Variants in NOTCH3 observed in about 807,000 individuals in gnomAD.
The protein encoded by NOTCH3 is notch receptor 3.
In NOTCH3, 86 loss-of-function variants were observed where a neutral mutation model predicts 213.3. The observed-to-expected ratio is 0.40, with a 90% CI of 0.34 to 0.48. NOTCH3 has a LOEUF of 0.48. Among genes scored for constraint, NOTCH3 ranks in the 20% least tolerant of loss-of-function variants. The pLI is 0.57. For synonymous variants in NOTCH3, 1,354 were observed against 1,355.9 expected, an observed-to-expected ratio of 1.00 and a Z score of 0.03; for missense variants, 2,783 against 3,272.6, an observed-to-expected ratio of 0.85 and a Z score of 3.65.
At position 15,189,260 on chromosome 19, in the gene NOTCH3, GA is replaced by G. The variant is rs2046909273; in HGVS notation, c.1192+12del. On this transcript the variant is annotated intron_variant, in intron 7 of 32. Coordinates refer to ENST00000263388, the MANE Select transcript of NOTCH3 (RefSeq NM_000435.3). ...TTTCCCAGCCCATTCACAGACGATGGAGCTCCCCTCACCGATAGAGCACTCG... is the reference window on the plus strand; with the variant it reads ...TTTCCCAGCCCATTCACAGACGATGGGCTCCCCTCACCGATAGAGCACTCG... 3 of 1,613,974 alleles carry G rather than the reference GA, an allele frequency of 1.9e-6. No individual in the cohort carries two copies. The highest frequency in any genetic ancestry group is 2.5e-6 in the Non-Finnish European group (3 of 1,180,026).
rs759792630 is a variant in NOTCH3 at position 15,187,145 on chromosome 19, C to T, written c.1800G>A (p.Leu600=). 1.2e-6 allele frequency: 2 copies of T among 1,614,038 alleles called. No homozygotes were observed. The highest frequency in any genetic ancestry group is 1.7e-6 in the Non-Finnish European group (2 of 1,180,034). The change falls in exon 11 of 33, where the codon CTG becomes CTA. Residue 600 remains leucine (L), a synonymous_variant. Transcript: ENST00000263388. ...GGCAGCGGCAGAGGTACTTGTCCAC[C>T]AGGTCTAGGCATTTGCCGCCATGGC... The part of the protein sequence containing the change: ...PCRHGGKCLD[L]VDKYLCRCPS...
chr19:15,197,448 C>CCCCCCCCCCCCCCCCCA, intron 2 of NOTCH3, 52 bp downstream of exon 2: 2 of 797,784 alleles, frequency 2.5e-6, no homozygotes, highest in Non-Finnish European at 4.4e-6. Context: ...ATCGCCCCTC[C>CCCCCCCCCCCCCCCCCA]CCCCCGCCCC....
rs2145381869 is a variant in NOTCH3, at chr19:15,161,279, A to G, written c.6349T>C (p.Ser2117Pro). Residue 2117 changes from serine (S) to proline (P), a missense_variant, in exon 33 of 33, where the codon TCC becomes CCC. Around this residue, in one of 6 missense-constraint regions of NOTCH3, gnomAD observed 441 missense variants for 432.1 expected, o/e 1.02. Coordinates refer to ENST00000263388, the MANE Select transcript of NOTCH3 (RefSeq NM_000435.3). Reference protein sequence around the residue: ...SPRPFGGPPASPGGFPLEGPY... With the variant: ...SPRPFGGPPAPPGGFPLEGPY... ...CCCTCAAGGGGGAAGCCACCAGGGGAAGCAGGGGGCCCACCGAAAGGCCGC... is the reference window on the plus strand; with the variant it reads ...CCCTCAAGGGGGAAGCCACCAGGGGGAGCAGGGGGCCCACCGAAAGGCCGC... 1 of 1,539,644 alleles carries G rather than the reference A, an allele frequency of 6.5e-7. No homozygotes were observed. The highest frequency in any genetic ancestry group is 1.4e-5 in the African/African-American group (1 of 73,836).
At chr19:15,192,603 C>G in intron 2 of NOTCH3, 84 bp from the exon 3 acceptor site, 2 of 1,511,082 alleles carry the variant, frequency 1.3e-6, no homozygotes, top group Non-Finnish European at 1.8e-6. Context: ...GCAAGAAACA[C>G]GCAGGGAAAC....
intron 17 of NOTCH3, 37 bp from the exon 18 acceptor site, chr19:15,181,199 GC>G: frequency 6.4e-7 from 1 of 1,561,352 alleles, no homozygotes; most frequent in Non-Finnish European, 8.8e-7. Context: ...ATCAGGCTCC[GC>G]CCCCTCACAG....
Position 15,180,912 on chromosome 19 carries a change from T to C in NOTCH3, c.2994+49A>G, listed in dbSNP as rs202065504. On this transcript the variant is annotated intron_variant, in intron 18 of 32. Transcript: ENST00000263388. ...GTGCCCCGACTTGGCTTCTCCCTCC[T>C]AGGATCCCAGGCAGGCTCCTCCCCC... 5.7e-5 allele frequency: 90 copies of C among 1,586,968 alleles called. No individual in the cohort carries two copies. The Admixed American group carries it at 1.6e-3, about 28-fold the overall frequency.
In NOTCH3 at chr19:15,161,429, G is replaced by A; in HGVS notation, c.6199C>T (p.Pro2067Ser). 6.5e-7 allele frequency: 1 copy of A among 1,536,156 alleles called. No individual in the cohort carries two copies. Among genetic ancestry groups the A allele is most frequent in the Non-Finnish European group, 8.8e-7 (1 of 1,139,136 alleles). Residue 2067 changes from proline (P) to serine (S), a missense_variant, in exon 33 of 33, where the codon CCC becomes TCC. By Grantham distance (74) the Pro-to-Ser change is moderately conservative. This residue lies in a region of NOTCH3 where 441 missense variants were observed against 432.1 expected (regional missense o/e 1.02). Coordinates refer to ENST00000263388, the MANE Select transcript of NOTCH3 (RefSeq NM_000435.3). ...QSGSKKSRRP[P>S]GKAGLGPQGP... ...TGCGGCCCCAGCCCCGCCTTCCCGG[G>A]GGGCCTCCTGCTCTTCTTGGACCCC...
chr19:15,195,152 C>G (rs2046959674), intron 2 of NOTCH3, among the ~76,000 whole-genome samples: 1 of 152,072 alleles, frequency 6.6e-6, no homozygotes, highest in Non-Finnish European at 1.5e-5. Flanking sequence ...CTCTCACTCA[C>G]AGGGACAGAC....
At chr19:15,188,439 G>T in intron 8 of NOTCH3, 91 bp from the exon 9 acceptor site, 3 of 831,298 alleles carry the variant, frequency 3.6e-6, no homozygotes, top group Non-Finnish European at 6.1e-6. Context: ...CCTACTCATC[G>T]ACAAATCCCC....
In NOTCH3 at chr19:15,167,385, C is replaced by T; in HGVS notation, c.5226G>A (p.Glu1742=). 2 of 1,608,782 alleles carry T rather than the reference C, an allele frequency of 1.2e-6. No individual in the cohort carries two copies. Among genetic ancestry groups the T allele is most frequent in the East Asian group, 2.2e-5 (1 of 44,878 alleles). The change falls in exon 29 of 33, where the codon GAG becomes GAA. Residue 1742 remains glutamate, a synonymous_variant. Coordinates refer to ENST00000263388, the MANE Select transcript of NOTCH3 (RefSeq NM_000435.3). ...TCCACTGACGGCAATCCACAGCCTCCTCAGCCCCCATGCCTGGCTCCTCTA... is the reference window on the plus strand; with the variant it reads ...TCCACTGACGGCAATCCACAGCCTCTTCAGCCCCCATGCCTGGCTCCTCTA... ...LKVEEPGMGA[E]EAVDCRQWTQ...
At chr19:15,200,342 C>G (rs1034264059) in intron 1 of NOTCH3, among the ~76,000 whole-genome samples, 1 of 151,648 alleles carries the variant, frequency 6.6e-6, no homozygotes, top group African/African-American at 2.4e-5. Context: ...CTCCCCACCC[C>G]CCGCCTGGCC....
At chr19:15,168,662 C>T (rs1304469358) in intron 28 of NOTCH3, among the ~76,000 whole-genome samples, 1 of 151,920 alleles carries the variant, frequency 6.6e-6, no homozygotes, top group Non-Finnish European at 1.5e-5. Flanking sequence ...GGTGAAACCC[C>T]ATCTCTACTA....
At chr19:15,171,638 C>T (rs1036856460) in intron 25 of NOTCH3, among the ~76,000 whole-genome samples, 5 of 152,210 alleles carry the variant, frequency 3.3e-5, no homozygotes, top group Non-Finnish European at 5.9e-5. Context: ...GCTGGGTTTA[C>T]AGGCCTGGGC....
In NOTCH3 at chr19:15,191,800, C is replaced by T. The variant is rs2046929046; in HGVS notation, c.747G>A (p.Gly249=). 6.2e-7 allele frequency: 1 copy of T among 1,613,954 alleles called. No homozygotes were observed. Among genetic ancestry groups the T allele is most frequent in the Non-Finnish European group, 8.5e-7 (1 of 1,180,038 alleles). The change falls in exon 5 of 33, where the codon GGG becomes GGA. Residue 249 remains glycine, a synonymous_variant. Coordinates refer to ENST00000263388, the MANE Select transcript of NOTCH3 (RefSeq NM_000435.3). ...DCPGHRCLNG[G]TCVDGVNTYN... is the part of the protein sequence containing the mutation. The stretch of plus-strand genomic sequence containing the variant: ...AGGTGTTGACGCCATCCACGCATGT[C>T]CCCCCATTGAGACATCGGTGTCCTG...
At position 15,179,271 on chromosome 19, in the gene NOTCH3, C is replaced by T. The variant is rs769083544; in HGVS notation, c.3472G>A (p.Glu1158Lys). The T allele has an allele frequency of 5.6e-6, 9 of 1,613,820 alleles. No homozygotes were observed. In the African/African-American group the frequency reaches 6.7e-5, roughly 12 times the overall value. ...GGGCCGCAGTCATCCTCATTAATCT[C>T]GCAGAGCACCCCTGGGGGAAGAAAC... The part of the protein sequence containing the change: ...CPPGTLGVLC[E>K]INEDDCGPGP... The change falls in exon 22 of 33, where the codon GAG becomes AAG. Residue 1158 changes from glutamate to lysine, a missense_variant. Glu to Lys is a moderately conservative substitution (Grantham distance 56). Around this residue, in one of 6 missense-constraint regions of NOTCH3, gnomAD observed 861 missense variants for 909.1 expected, o/e 0.95. Coordinates refer to ENST00000263388, the MANE Select transcript of NOTCH3 (RefSeq NM_000435.3).
chr19:15,196,232 G>A (rs1451420190), intron 2 of NOTCH3, among the ~76,000 whole-genome samples: 3 of 152,128 alleles, frequency 2.0e-5, no homozygotes, highest in African/African-American at 7.2e-5. Context: ...GCAGCCGCGG[G>A]CTCATTCACC....
chr19:15,174,940 C>T (rs1396839149), intron 24 of NOTCH3, among the ~76,000 whole-genome samples: 1 of 152,052 alleles, frequency 6.6e-6, no homozygotes, highest in East Asian at 1.9e-4. Flanking sequence ...CGCCGGAGTG[C>T]AGTGGTGCAA....
intron 2 of NOTCH3, among the ~76,000 whole-genome samples, chr19:15,193,787 C>CA (rs1171974208): frequency 3.2e-5 from 2 of 62,320 alleles, no homozygotes; most frequent in Admixed American, 1.8e-4. Context: ...AAACAAAAAA[C>CA]AAAAAAAACA....
chr19:15,176,435 T>A (rs990750580), intron 24 of NOTCH3, among the ~76,000 whole-genome samples: 7 of 26,416 alleles, frequency 2.6e-4, no homozygotes, highest in Admixed American at 5.9e-4. Flanking sequence ...AGTACTGGGA[T>A]TACAGGCGTG....
Sources: gnomAD v4.1 joint callset for allele counts (sites outside exome capture counted in the v4.1 genomes callset) on GRCh38, gnomAD v4.1.1 for gene constraint, gnomAD v4.1.1 regional missense constraint, MANE v1.5 for transcripts, NCBI Gene and HGNC (gene_info 2026-07-23, HGNC 2026-07-21) for gene names.